Variants in FOCAD observed in about 807,000 individuals in gnomAD.
FOCAD encodes KIAA1797.
A neutral mutation model predicts 225.6 loss-of-function variants in FOCAD; 198 were observed. That is an observed-to-expected ratio of 0.88 (90% CI 0.78 to 0.99). FOCAD has a LOEUF of 0.99. FOCAD is among the 50% of genes least tolerant of loss of function. The pLI, the probability that FOCAD is intolerant of heterozygous loss-of-function variation, is 0.00. For synonymous variants in FOCAD, 897 were observed against 755.0 expected, an observed-to-expected ratio of 1.19 and a Z score of -3.08; for missense variants, 2,713 against 2,123.6, an observed-to-expected ratio of 1.28 and a Z score of -5.46.
intron 24 of FOCAD, among the ~76,000 whole-genome samples, chr9:20,922,342 G>A (rs908067841): frequency 4.1e-5 from 4 of 97,888 alleles, no homozygotes; most frequent in Admixed American, 1.1e-4. Flanking sequence ...ACATTGAGGT[G>A]GGGGGGTGGT....
chr9:20,735,986 A>G (rs1315380793), intron 4 of FOCAD, among the ~76,000 whole-genome samples: 1 of 152,156 alleles, frequency 6.6e-6, no homozygotes, highest in Non-Finnish European at 1.5e-5. Flanking sequence ...TCTTTAAGAA[A>G]AATTTTCAGA....
intron 9 of FOCAD, among the ~76,000 whole-genome samples, chr9:20,780,361 C>A (rs1318102568): frequency 6.6e-6 from 1 of 152,158 alleles, no homozygotes; most frequent in African/African-American, 2.4e-5. Flanking sequence ...AAGCTATGTT[C>A]TTATATTGTG....
intron 11 of FOCAD, among the ~76,000 whole-genome samples, chr9:20,809,228 G>A (rs758106226): frequency 2.6e-5 from 4 of 152,038 alleles, no homozygotes; most frequent in African/African-American, 7.2e-5. Context: ...TGCATCTGAG[G>A]CCTTCTCAGT....
At chr9:20,798,176 C>A (rs1554687462) in intron 11 of FOCAD, among the ~76,000 whole-genome samples, 1 of 152,140 alleles carries the variant, frequency 6.6e-6, no homozygotes, top group Non-Finnish European at 1.5e-5. Flanking sequence ...TTGAACCAGC[C>A]TTGCATCCTA....
chr9:20,761,660 T>G (rs1352464081), intron 6 of FOCAD, among the ~76,000 whole-genome samples: 1 of 152,102 alleles, frequency 6.6e-6, no homozygotes, highest in Non-Finnish European at 1.5e-5. Context: ...GACCTCATGA[T>G]CCACCCGCCT....
Position 20,737,889 on chromosome 9 carries a change from C to A in FOCAD, c.288-2347C>A, listed in dbSNP as rs182528570. Among the ~76,000 whole-genome samples the A allele has an allele frequency of 2.1e-3, 313 of 152,176 alleles. 1 individual carries two copies. Among genetic ancestry groups the A allele is most frequent in the African/African-American group, 7.3e-3 (302 of 41,520 alleles). On this transcript the variant is annotated intron_variant, in intron 4 of 43. Transcript: ENST00000338382. ...TGTGAACTCTACCCTGTGACTTAGT[C>A]GAGACATTTATACCTAGGTATAGGT...
At chr9:20,877,981 G>A (rs757202673) in intron 19 of FOCAD, among the ~76,000 whole-genome samples, 2 of 152,082 alleles carry the variant, frequency 1.3e-5, no homozygotes, top group African/African-American at 4.8e-5. Context: ...TTGAGATCTC[G>A]AGATATTTTA....
chr9:20,907,043 C>A, intron 21 of FOCAD, 107 bp from the exon 22 acceptor site: 1 of 815,468 alleles, frequency 1.2e-6, no homozygotes, highest in Non-Finnish European at 1.9e-6. Context: ...GGTTTGTTTT[C>A]AGAATCTAAA....
chr9:20,714,700 C>G (rs1226428179), intron 1 of FOCAD, among the ~76,000 whole-genome samples: 1 of 148,960 alleles, frequency 6.7e-6, no homozygotes, highest in African/African-American at 2.5e-5. Context: ...TCCTTCCTTC[C>G]TCTCTCTTTC....
chr9:20,828,883 C>T (rs543696129), intron 15 of FOCAD, among the ~76,000 whole-genome samples: 9 of 152,152 alleles, frequency 5.9e-5, no homozygotes, highest in South Asian at 2.1e-4. Flanking sequence ...TGAGAACATG[C>T]GGTATTTGGT....
chr9:20,768,171 TTC>T lies in FOCAD; in HGVS notation c.700-1860_700-1859del, dbSNP rs1482804718. On this transcript the variant is annotated intron_variant, in intron 7 of 43. Transcript: ENST00000338382. Reference sequence around the variant, plus strand: ...CGTTATTTCTGAGGGCTCTGTTCTGTTCCATTGATCTATATCTCTGTTTTGGT... The same window carrying T: ...CGTTATTTCTGAGGGCTCTGTTCTGTCATTGATCTATATCTCTGTTTTGGT... 6.2e-3 allele frequency among the ~76,000 whole-genome samples: 919 copies of T among 148,970 alleles called. 5 individuals are homozygous for T. Among genetic ancestry groups the T allele is most frequent in the African/African-American group, 0.022 (884 of 40,532 alleles).
intron 1 of FOCAD, among the ~76,000 whole-genome samples, chr9:20,714,414 T>C (rs1274391456): frequency 6.6e-6 from 1 of 152,156 alleles, no homozygotes; most frequent in Non-Finnish European, 1.5e-5. Context: ...TCTAGGGCTG[T>C]TTATTGACAT....
intron 24 of FOCAD, among the ~76,000 whole-genome samples, chr9:20,923,306 A>G (rs1204609537): frequency 1.3e-5 from 2 of 152,208 alleles, no homozygotes; most frequent in Non-Finnish European, 2.9e-5. Context: ...TGTCTTTACA[A>G]CAAATCAATA....
chr9:20,821,423 A>G (rs1349186335), intron 14 of FOCAD, among the ~76,000 whole-genome samples: 9 of 152,030 alleles, frequency 5.9e-5, no homozygotes, highest in Non-Finnish European at 8.8e-5. Flanking sequence ...ATTCTTTCTT[A>G]TATTCTCCCT....
chr9:20,743,809 T>C (rs1827820221), intron 5 of FOCAD, among the ~76,000 whole-genome samples: 2 of 152,322 alleles, frequency 1.3e-5, no homozygotes, highest in South Asian at 2.1e-4. Context: ...ATTGCTTCAG[T>C]ATCTGGGAGC....
At chr9:20,828,292 T>C (rs1323665862) in intron 15 of FOCAD, among the ~76,000 whole-genome samples, 2 of 152,114 alleles carry the variant, frequency 1.3e-5, no homozygotes, top group Admixed American at 6.6e-5. Context: ...CATGACATCG[T>C]GTTGTAAATC....
chr9:20,666,568 A>AAAAC (rs752228392), intron 2 of FOCAD, among the ~76,000 whole-genome samples: 1 of 152,144 alleles, frequency 6.6e-6, no homozygotes, highest in Admixed American at 6.6e-5. Context: ...ACCCTATCTC[A>AAAAC]AAACAAACAA....
intron 15 of FOCAD, among the ~76,000 whole-genome samples, chr9:20,839,307 G>A (rs951958183): frequency 3.5e-5 from 5 of 143,158 alleles, no homozygotes; most frequent in African/African-American, 1.0e-4. Context: ...TGCCCAAGCT[G>A]GAGTGCAGTG....
chr9:20,907,173 G>T lies in FOCAD; in HGVS notation c.2649G>T (p.Trp883Cys). The change falls in exon 22 of 44, where the codon TGG (tryptophan) becomes TGT (cysteine). Residue 883 changes from tryptophan to cysteine, a missense_variant. By Grantham distance (215) the Trp-to-Cys change is radical. Transcript: ENST00000338382. ...AGGTTCATATCCAGCTTTCAGAGTG[G>T]CACCGTGCAATTTTTCTTCCACAGG... Reference protein sequence around the residue: ...VHEVHIQLSEWHRAIFLPQAW... With the variant: ...VHEVHIQLSECHRAIFLPQAW... The T allele has an allele frequency of 6.2e-7, 1 of 1,612,978 alleles. No homozygotes were observed. The highest frequency in any genetic ancestry group is 1.1e-5 in the South Asian group (1 of 91,056).
Sources: allele counts gnomAD v4.1 joint callset (sites outside exome capture counted in the v4.1 genomes callset), GRCh38; gene constraint gnomAD v4.1.1; transcripts MANE v1.5; gene names NCBI Gene and HGNC (gene_info 2026-07-23, HGNC 2026-07-21).